The following TEAD4 variants were observed in gnomAD, a reference collection of about 807,000 sequenced individuals.
TEAD4 encodes TEA domain transcription factor 4, also known as transcriptional enhancer factor TEF-3.
TEAD4 carries 36 observed loss-of-function variants against 52.4 expected under a neutral mutation model. The ratio of observed to expected loss-of-function variants is 0.69; its 90% CI spans 0.53 to 0.91. TEAD4 has a LOEUF of 0.91. TEAD4 is among the 40% of genes least tolerant of loss of function. The pLI is 0.00. For synonymous variants in TEAD4, 220 were observed against 231.0 expected (o/e 0.95, Z 0.43); for missense variants, 508 against 583.9 (o/e 0.87, Z 1.34).
At chr12:2,979,098 T>A (rs900214583) in intron 2 of TEAD4, among the ~76,000 whole-genome samples, 2 of 151,926 alleles carry the variant, frequency 1.3e-5, no homozygotes, top group Non-Finnish European at 2.9e-5. Context: ...GTATTTTTAG[T>A]AGAGACAGGG....
chr12:2,975,356 CATTATT>C (rs58872768), intron 2 of TEAD4, among the ~76,000 whole-genome samples: 10,491 of 147,722 alleles, frequency 0.071, 487 homozygotes, highest in African/African-American at 0.12. Context: ...AATATCGGCA[CATTATT>C]ATTATTATTA....
intron 2 of TEAD4, among the ~76,000 whole-genome samples, chr12:2,968,492 C>T (rs577981989): frequency 8.1e-4 from 122 of 150,368 alleles, no homozygotes; most frequent in African/African-American, 2.6e-3. Context: ...CAACCTCCCG[C>T]GCCCAAGTGA....
At chr12:2,990,527 C>T (rs745377064) in intron 2 of TEAD4, among the ~76,000 whole-genome samples, 15 of 113,458 alleles carry the variant, frequency 1.3e-4, no homozygotes, top group Middle Eastern at 0.01. Flanking sequence ...AGTGCAGTGG[C>T]GTGATCTCAG....
In TEAD4 at chr12:3,040,123, A is replaced by G; in HGVS notation, c.1055A>G (p.Tyr352Cys). ...GTCCTGCAGACAGAGTATGCTCGCT[A>G]TGAGAATGGACACTACTCTTACCGC... The change falls in exon 12 of 13, where the codon TAT becomes TGT. Residue 352 changes from tyrosine to cysteine, a missense_variant. Coordinates refer to ENST00000359864, the MANE Select transcript of TEAD4 (RefSeq NM_003213.4). The G allele has an allele frequency of 6.2e-7, 1 of 1,614,114 alleles. No individual in the cohort carries two copies. Among genetic ancestry groups the G allele is most frequent in the Non-Finnish European group, 8.5e-7 (1 of 1,180,012 alleles).
At chr12:2,986,606 C>T (rs1335180419) in intron 2 of TEAD4, among the ~76,000 whole-genome samples, 6 of 150,556 alleles carry the variant, frequency 4.0e-5, no homozygotes, top group African/African-American at 1.5e-4. Context: ...CACCACTGCA[C>T]TCCAGCCTGG....
intron 8 of TEAD4, 86 bp downstream of exon 8, chr12:3,019,256 C>CCGGGG: frequency 6.8e-7 from 1 of 1,477,470 alleles, no homozygotes; most frequent in Non-Finnish European, 9.4e-7. Context: ...CGAACGCCTG[C>CCGGGG]GTGTCCCTGT....
At chr12:3,033,140 C>T (rs190189454) in intron 10 of TEAD4, among the ~76,000 whole-genome samples, 4 of 152,328 alleles carry the variant, frequency 2.6e-5, no homozygotes, top group African/African-American at 9.6e-5. Flanking sequence ...CAATCAGAAC[C>T]CCCTTGGAGT....
intron 2 of TEAD4, among the ~76,000 whole-genome samples, chr12:2,985,268 C>G (rs1229294086): frequency 6.6e-6 from 1 of 151,390 alleles, no homozygotes; most frequent in Admixed American, 6.6e-5. Flanking sequence ...ACCTGTAGTC[C>G]CAGCTGCTCA....
chr12:2,993,505 C>A (rs2098244808), intron 2 of TEAD4, among the ~76,000 whole-genome samples: 1 of 152,034 alleles, frequency 6.6e-6, no homozygotes, highest in Admixed American at 6.6e-5. Flanking sequence ...GAGCCTTGCT[C>A]TGTCACCCAG....
chr12:2,966,388 T>C (rs2153952317), intron 2 of TEAD4, among the ~76,000 whole-genome samples: 1 of 151,928 alleles, frequency 6.6e-6, no homozygotes, highest in South Asian at 2.1e-4. Context: ...GTGTGGCCTG[T>C]GTCTTCTGTT....
chr12:2,991,871 C>A (rs1565532639), intron 2 of TEAD4, among the ~76,000 whole-genome samples: 1 of 152,032 alleles, frequency 6.6e-6, no homozygotes, highest in African/African-American at 2.4e-5. Context: ...CTCTGAAGGG[C>A]TGAGAACAAG....
chr12:2,984,310 G>A (rs1591564132), intron 2 of TEAD4, among the ~76,000 whole-genome samples: 1 of 152,260 alleles, frequency 6.6e-6, no homozygotes, highest in East Asian at 1.9e-4. Flanking sequence ...ATGTGATCAG[G>A]TTTGCATTTT....
intron 2 of TEAD4, among the ~76,000 whole-genome samples, chr12:2,973,307 G>A (rs1380762459): frequency 6.6e-6 from 1 of 152,172 alleles, no homozygotes; most frequent in Non-Finnish European, 1.5e-5. Flanking sequence ...CCTGGCTCAA[G>A]CAGTCCACCC....
chr12:2,965,146 G>C (rs2098219191), intron 2 of TEAD4, among the ~76,000 whole-genome samples: 2 of 152,174 alleles, frequency 1.3e-5, no homozygotes, highest in Admixed American at 6.5e-5. Context: ...CCCAATTCTT[G>C]GTTAGATTTT....
chr12:3,035,719 C>T (rs888619721), intron 10 of TEAD4, among the ~76,000 whole-genome samples: 1 of 150,654 alleles, frequency 6.6e-6, no homozygotes, highest in African/African-American at 2.4e-5. Flanking sequence ...ACTCAGGAGG[C>T]TGAGGTGGGA....
intron 2 of TEAD4, among the ~76,000 whole-genome samples, chr12:2,970,700 C>A (rs1348650138): frequency 6.6e-6 from 1 of 152,166 alleles, no homozygotes; most frequent in Admixed American, 6.5e-5. Context: ...AGAGCACCTG[C>A]CTTCTGGAAG....
Position 3,040,544 on chromosome 12 carries a change from C to T in TEAD4, c.*66C>T, listed in dbSNP as rs2098282142. The T allele has an allele frequency of 2.8e-6, 4 of 1,418,596 alleles. No individual in the cohort carries two copies. Among genetic ancestry groups the T allele is most frequent in the Non-Finnish European group, 3.9e-6 (4 of 1,016,146 alleles). 87.9% of individuals were successfully genotyped at this position (1,418,596 alleles called of 1,614,324 possible). On this transcript the variant is annotated 3_prime_UTR_variant, in exon 13 of 13. Coordinates refer to ENST00000359864, the MANE Select transcript of TEAD4 (RefSeq NM_003213.4). ...AGGAAACGGGGACGTGGGGAGGGGA[C>T]CTGCAGGGGCAGCCCCCTGAAGTGC... is the stretch of plus-strand genomic sequence containing the variant.
intron 10 of TEAD4, among the ~76,000 whole-genome samples, chr12:3,024,043 A>G (rs2098270490): frequency 6.6e-6 from 1 of 151,968 alleles, no homozygotes; most frequent in African/African-American, 2.4e-5. Flanking sequence ...ATGTAATAAT[A>G]TCCAATAAGT....
chr12:3,021,923 G>T lies in TEAD4; in HGVS notation c.803G>T (p.Arg268Leu), dbSNP rs754304508. Residue 268 changes from arginine (R) to leucine (L), a missense_variant, in exon 10 of 13, where the codon CGC becomes CTC. Transcript: ENST00000359864. ...CCCTACCTCGAAGCCGTGGACATCCGCCAAATCTATGACAAATTCCCGGAG... is the reference window on the plus strand; with the variant it reads ...CCCTACCTCGAAGCCGTGGACATCCTCCAAATCTATGACAAATTCCCGGAG... The T allele has an allele frequency of 5.0e-5, 81 of 1,614,102 alleles. No homozygotes were observed. The highest frequency in any genetic ancestry group is 8.3e-5 in the Admixed American group (5 of 60,006).
Sources: gnomAD v4.1 joint callset for allele counts (sites outside exome capture counted in the v4.1 genomes callset) on GRCh38, gnomAD v4.1.1 for gene constraint, MANE v1.5 for transcripts, NCBI Gene and HGNC (gene_info 2026-07-23, HGNC 2026-07-21) for gene names.